Variants in ANKMY1 observed in about 807,000 individuals in gnomAD.
ANKMY1 encodes ankyrin repeat and MYND domain-containing protein 1.
A neutral mutation model predicts 102.0 loss-of-function variants in ANKMY1; 98 were observed. That is an observed-to-expected ratio of 0.96 (90% CI 0.82 to 1.14). The LOEUF is 1.14. Ranked by LOEUF, ANKMY1 falls within the 50% of genes most tolerant of loss-of-function variation. The pLI is 0.00. For synonymous variants in ANKMY1, 582 were observed against 559.9 expected, an observed-to-expected ratio of 1.04 and a Z score of -0.56; for missense variants, 1,330 against 1,347.6, an observed-to-expected ratio of 0.99 and a Z score of 0.20.
intron 4 of ANKMY1, among the ~76,000 whole-genome samples, chr2:240,539,721 T>C (rs888220159): frequency 2.0e-5 from 3 of 152,226 alleles, no homozygotes; most frequent in Non-Finnish European, 4.4e-5. Flanking sequence ...AGATGCATGA[T>C]GCTAAGTGTC....
At chr2:240,505,658 G>T (rs2078950661) in intron 13 of ANKMY1, among the ~76,000 whole-genome samples, 1 of 152,120 alleles carries the variant, frequency 6.6e-6, no homozygotes, top group South Asian at 2.1e-4. Flanking sequence ...CAGAAGTGGT[G>T]AGTCTAGGTG....
chr2:240,560,852 C>T, upstream of ANKMY1: 4 of 1,391,382 alleles, frequency 2.9e-6, no homozygotes, highest in Middle Eastern at 2.6e-4. Flanking sequence ...GCCAGCAGCC[C>T]GGCCCGCGCG....
At chr2:240,468,790 G>A in the ANKMY1 span, among the ~76,000 whole-genome samples, 3 of 152,188 alleles carry the variant, frequency 2.0e-5, no homozygotes, top group African/African-American at 4.8e-5. Flanking sequence ...GAGCACAGAG[G>A]GGTGGGTGGG....
chr2:240,529,235 T>G lies in ANKMY1; in HGVS notation c.755A>C (p.Asn252Thr). 1 of 1,614,084 alleles carries G rather than the reference T, an allele frequency of 6.2e-7. No individual in the cohort carries two copies. Among genetic ancestry groups the G allele is most frequent in the Non-Finnish European group, 8.5e-7 (1 of 1,180,012 alleles). Residue 252 changes from asparagine to threonine, a missense_variant, in exon 5 of 18, where the codon AAC becomes ACC. Coordinates refer to ENST00000401804, the MANE Select transcript of ANKMY1 (RefSeq NM_001282771.3). The surrounding 1 kb of genome is among the most constrained non-coding windows in gnomAD (Gnocchi z 4.2). Reference sequence around the variant, plus strand: ...ATACATTTCTGGAGGCAGCGTTAGGTTGTCATTCAGAAGAAACCGCTTATA... The same window carrying G: ...ATACATTTCTGGAGGCAGCGTTAGGGTGTCATTCAGAAGAAACCGCTTATA... ...YDYKRFLLND[N>T]LTLPPEMYVY... is the part of the protein sequence containing the mutation.
At chr2:240,547,088 CAA>C (rs1002685316) in intron 4 of ANKMY1, among the ~76,000 whole-genome samples, 12 of 152,052 alleles carry the variant, frequency 7.9e-5, no homozygotes, top group Non-Finnish European at 1.3e-4. Flanking sequence ...ACACCTATTC[CAA>C]AATTGACCAC....
At chr2:240,474,046 T>C in the ANKMY1 span, among the ~76,000 whole-genome samples, 2 of 152,066 alleles carry the variant, frequency 1.3e-5, no homozygotes. Flanking sequence ...ATAAAAGGCA[T>C]CCACATCAGA....
At chr2:240,476,326 T>C (rs1559214279), downstream of ANKMY1, among the ~76,000 whole-genome samples, 3 of 152,162 alleles carry the variant, frequency 2.0e-5, no homozygotes. Flanking sequence ...TCTTACACCA[T>C]ATACCCTTAT....
At chr2:240,527,862 G>A (rs2084228776) in intron 5 of ANKMY1, 2 of 152,134 alleles carry the variant, frequency 1.3e-5, no homozygotes, top group Admixed American at 1.3e-4. Context: ...TGATTGGGTG[G>A]GTGGATGGAT....
rs1575053484 is a variant in ANKMY1, at chr2:240,511,000, A to C, written c.2286+861T>G. On this transcript the variant is annotated intron_variant, in intron 11 of 17. Transcript: ENST00000401804. The stretch of plus-strand genomic sequence containing the variant: ...GTTCCTGCCACCCTTCAGGTGGTCT[A>C]CTCAGGGCAGAGCGCCTGGCCCCAA... Among the ~76,000 whole-genome samples, 5 of 151,866 alleles carry C rather than the reference A, an allele frequency of 3.3e-5. No homozygotes were observed. In the South Asian group the frequency reaches 6.3e-4, roughly 19 times the overall value.
Position 240,526,362 on chromosome 2 carries a change from T to C in ANKMY1, c.1037A>G (p.Glu346Gly), listed in dbSNP as rs1328062733. ...RSGFAPCGPK[E>G]QLSMEMILKA... is the part of the protein sequence containing the mutation. ...TAGGATCATCTCCATGGAAAGTTGC[T>C]CTTTGGGCCCACAGGGTGCAAAGCC... Residue 346 changes from glutamate (E) to glycine (G), a missense_variant, in exon 6 of 18, where the codon GAG becomes GGG. Coordinates refer to ENST00000401804, the MANE Select transcript of ANKMY1 (RefSeq NM_001282771.3). 3 of 1,614,208 alleles carry C rather than the reference T, an allele frequency of 1.9e-6. No homozygotes were observed. The highest frequency in any genetic ancestry group is 2.5e-6 in the Non-Finnish European group (3 of 1,180,036).
Position 240,511,911 on chromosome 2 carries a change from C to T in ANKMY1, c.2236G>A (p.Gly746Arg), listed in dbSNP as rs768979215. 5.7e-6 allele frequency: 9 copies of T among 1,584,562 alleles called. No individual in the cohort carries two copies. The highest frequency in any genetic ancestry group is 1.7e-4 in the Middle Eastern group (1 of 5,964). Residue 746 changes from glycine to arginine, a missense_variant, in exon 11 of 18, where the codon GGG becomes AGG. Gly to Arg is a moderately radical substitution (Grantham distance 125, BLOSUM62 -2). Transcript: ENST00000401804. ...YSTDTALPEE[G>R]GRTALHMACE... Reference sequence around the variant, plus strand: ...GCCATGTGCAGAGCCGTCCTGCCCCCCTCCTCCGGGAGGGCTGTGTCCGTG... The same window carrying T: ...GCCATGTGCAGAGCCGTCCTGCCCCTCTCCTCCGGGAGGGCTGTGTCCGTG...
chr2:240,499,931 C>T lies in ANKMY1; in HGVS notation c.2806+27G>A. 1 of 1,588,384 alleles carries T rather than the reference C, an allele frequency of 6.3e-7. No individual in the cohort carries two copies. Among genetic ancestry groups the T allele is most frequent in the Non-Finnish European group, 8.6e-7 (1 of 1,162,806 alleles). The stretch of plus-strand genomic sequence containing the variant: ...GAGGCCGGAACGCCGCCCTGTGGAG[C>T]AGAGCAGAGCAGGGCCCACTGCTCA... On this transcript the variant is annotated intron_variant, in intron 15 of 17. Coordinates refer to ENST00000401804, the MANE Select transcript of ANKMY1 (RefSeq NM_001282771.3). The surrounding 1 kb of genome is among the most constrained non-coding windows in gnomAD (Gnocchi z 4.2).
At chr2:240,482,337 G>A (rs2075507109) in intron 15 of ANKMY1, 76 bp from the exon 16 acceptor site, 14 of 1,364,138 alleles carry the variant, frequency 1.0e-5, no homozygotes, top group East Asian at 2.4e-5. Flanking sequence ...ACCTCCTTGC[G>A]CCCTCCCTGT....
intron 4 of ANKMY1, among the ~76,000 whole-genome samples, chr2:240,530,678 C>T (rs914681015): frequency 2.6e-5 from 4 of 152,144 alleles, no homozygotes; most frequent in African/African-American, 7.2e-5. Flanking sequence ...GCTACACACC[C>T]GCCTGAGCAT....
At chr2:240,532,356 C>A (rs2085621587) in intron 4 of ANKMY1, among the ~76,000 whole-genome samples, 1 of 152,152 alleles carries the variant, frequency 6.6e-6, no homozygotes, top group Admixed American at 6.5e-5. Context: ...AACTGATTCT[C>A]AGACAAGCAA....
In ANKMY1 at chr2:240,520,627, C is replaced by T. The variant is rs539449480; in HGVS notation, c.1833-94G>A. 455 of 1,442,978 alleles carry T rather than the reference C, an allele frequency of 3.2e-4. 4 individuals are homozygous for T. The East Asian group carries it at 0.011, about 34-fold the overall frequency. The allele number at this position is 1,442,978 out of a possible 1,614,324, so 89.4% of individuals were successfully genotyped here. The stretch of plus-strand genomic sequence containing the variant: ...TGCCAGCGAGGAGGCTGGGGAGGGG[C>T]GCGTAGGGAGTATGTGTGTGCCGCA... On this transcript the variant is annotated intron_variant, in intron 8 of 17. Coordinates refer to ENST00000401804, the MANE Select transcript of ANKMY1 (RefSeq NM_001282771.3). The surrounding 1 kb of genome is among the most constrained non-coding windows in gnomAD (Gnocchi z 4.8).
chr2:240,510,784 A>G (rs2080023865), intron 11 of ANKMY1, among the ~76,000 whole-genome samples: 1 of 152,182 alleles, frequency 6.6e-6, no homozygotes, highest in Admixed American at 6.5e-5. Context: ...TCCACCTGCC[A>G]GTCTGTCCTG....
chr2:240,504,144 C>T (rs566866821), intron 13 of ANKMY1, among the ~76,000 whole-genome samples: 2 of 152,338 alleles, frequency 1.3e-5, no homozygotes, highest in Non-Finnish European at 2.9e-5. Context: ...TCTGCCACAG[C>T]CTGAACAGCA....
In ANKMY1 at chr2:240,500,451, C is replaced by T; in HGVS notation, c.2640+1G>A. On this transcript the variant is annotated splice_donor_variant, in intron 14 of 17. Coordinates refer to ENST00000401804, the MANE Select transcript of ANKMY1 (RefSeq NM_001282771.3). LOFTEE classifies it high-confidence loss of function. The stretch of plus-strand genomic sequence containing the variant: ...TTCCTCATGGGAGGCTCACCACCTA[C>T]CTGGAAGAATCTGAAGTAGCCATAG... 6.2e-7 allele frequency: 1 copy of T among 1,613,520 alleles called. No individual in the cohort carries two copies. Among genetic ancestry groups the T allele is most frequent in the Non-Finnish European group, 8.5e-7 (1 of 1,179,588 alleles).
Sources: gnomAD v4.1 joint callset for allele counts (sites outside exome capture counted in the v4.1 genomes callset) on GRCh38, gnomAD v4.1.1 for gene constraint, Gnocchi (gnomAD v3.1) non-coding constraint, MANE v1.5 for transcripts, NCBI Gene and HGNC (gene_info 2026-07-23, HGNC 2026-07-21) for gene names.